Variants in AGAP1 observed in about 807,000 individuals in gnomAD.
The protein encoded by AGAP1 is arf-GAP with GTPase, ANK repeat and PH domain-containing protein 1.
Under a neutral mutation model 105.3 loss-of-function variants are expected in AGAP1, and 29 were observed. The ratio of observed to expected loss-of-function variants is 0.28; its 90% CI spans 0.21 to 0.38. The LOEUF (loss-of-function observed/expected upper bound fraction) is 0.38, where lower values mean the gene tolerates loss of function less well. Ranked by LOEUF, AGAP1 falls within the 10% of genes least tolerant of loss-of-function variation. The pLI is 1.00. For missense variants in AGAP1, 998 were observed against 1,165.1 expected (o/e 0.86, Z 2.09); for synonymous variants, 509 against 485.9 (o/e 1.05, Z -0.63).
chr2:235,632,686 C>G (rs112886295), intron 1 of AGAP1, among the ~76,000 whole-genome samples: 1 of 152,196 alleles, frequency 6.6e-6, no homozygotes, highest in Non-Finnish European at 1.5e-5. Flanking sequence ...CTGGGGACCA[C>G]GGTTCTGTCA....
chr2:235,880,083 C>CTTTTTT (rs35633339), intron 9 of AGAP1, among the ~76,000 whole-genome samples: 1 of 138,890 alleles, frequency 7.2e-6, no homozygotes, highest in Non-Finnish European at 1.6e-5. Context: ...GCACTCTGGC[C>CTTTTTT]TTTTTTTTTT....
At chr2:235,916,388 G>T (rs2051886361) in intron 11 of AGAP1, among the ~76,000 whole-genome samples, 1 of 152,212 alleles carries the variant, frequency 6.6e-6, no homozygotes, top group Non-Finnish European at 1.5e-5. Context: ...TCCAGAGAAG[G>T]AGGTAAAACG....
intron 13 of AGAP1, among the ~76,000 whole-genome samples, chr2:235,972,432 G>A (rs1412465859): frequency 6.6e-6 from 1 of 152,204 alleles, no homozygotes; most frequent in East Asian, 1.9e-4. Flanking sequence ...TCCCCGGCTG[G>A]TTCGCCGAGG....
At position 235,961,541 on chromosome 2, in the gene AGAP1, T is replaced by C. The variant is rs2054186444; in HGVS notation, c.1484-6921T>C. Among the ~76,000 whole-genome samples the C allele has an allele frequency of 6.6e-6, 1 of 151,230 alleles. No individual in the cohort carries two copies. Among genetic ancestry groups the C allele is most frequent in the African/African-American group, 2.4e-5 (1 of 41,010 alleles). ...GTGCAGAGGGACAGGCCCTAGGGAG[T>C]TGTGCTTTAAAGAAGGGCAGGAGTC... On this transcript the variant is annotated intron_variant, in intron 12 of 17. Coordinates refer to ENST00000304032, the MANE Select transcript of AGAP1 (RefSeq NM_001037131.3). The surrounding 1 kb of genome is among the most constrained non-coding windows in gnomAD (Gnocchi z 5.9).
intron 11 of AGAP1, among the ~76,000 whole-genome samples, chr2:235,910,286 G>GGGCAGTCACTGAGCCGGTGCCTTCC (rs2051537777): frequency 1.3e-4 from 1 of 7,686 alleles, no homozygotes; most frequent in Admixed American, 1.4e-3. Flanking sequence ...TGCCTGTGTT[G>GGGCAGTCACTGAGCCGGTGCCTTCC]CAGGGGGGCG....
At chr2:235,521,046 G>A (rs961758853) in intron 1 of AGAP1, among the ~76,000 whole-genome samples, 1 of 152,164 alleles carries the variant, frequency 6.6e-6, no homozygotes, top group African/African-American at 2.4e-5. Context: ...TAGCAGTCAC[G>A]GTTCTCAGGG....
At position 236,047,821 on chromosome 2, in the gene AGAP1, C is replaced by T. The variant is rs148470141; in HGVS notation, c.1892-1238C>T. Among the ~76,000 whole-genome samples the T allele has an allele frequency of 8.6e-3, 1,306 of 151,850 alleles. 31 individuals are homozygous for T. The highest frequency in any genetic ancestry group is 0.07 in the East Asian group (354 of 5,088). ...TTCACCATGTTGGTCATGCTGGTCT[C>T]GAACTCCTGACCTCAGGTGATCCTC... On this transcript the variant is annotated intron_variant, in intron 15 of 17. Transcript: ENST00000304032.
intron 1 of AGAP1, 56 bp from the exon 2 acceptor site, chr2:235,709,123 T>C: frequency 6.3e-7 from 1 of 1,580,526 alleles, no homozygotes; most frequent in South Asian, 1.1e-5. Flanking sequence ...GGAGGCATTT[T>C]GACTTGGCCT....
chr2:236,034,160 A>C (rs2125651652), intron 13 of AGAP1, among the ~76,000 whole-genome samples: 1 of 152,334 alleles, frequency 6.6e-6, no homozygotes, highest in African/African-American at 2.4e-5. Context: ...AAAAGGTTGT[A>C]AATCATAGTA....
At chr2:235,840,369 G>A (rs1575592831) in intron 9 of AGAP1, among the ~76,000 whole-genome samples, 1 of 152,194 alleles carries the variant, frequency 6.6e-6, no homozygotes, top group East Asian at 1.9e-4. Context: ...TTTATGTAGG[G>A]GCAGAGAAGA....
rs1238135878 is a variant in AGAP1 at position 235,611,765 on chromosome 2, C to T, written c.164-97414C>T. Among the ~76,000 whole-genome samples, 4 of 152,194 alleles carry T rather than the reference C, an allele frequency of 2.6e-5. No homozygotes were observed. The highest frequency in any genetic ancestry group is 5.9e-5 in the Non-Finnish European group (4 of 68,040). The stretch of plus-strand genomic sequence containing the variant: ...TGTCTTCATTTCTTTAAAGAGCATT[C>T]ATCAATGATATTAATGATTTTCATT... On this transcript the variant is annotated intron_variant, in intron 1 of 17. Coordinates refer to ENST00000304032, the MANE Select transcript of AGAP1 (RefSeq NM_001037131.3). The surrounding 1 kb of genome is among the most constrained non-coding windows in gnomAD (Gnocchi z 5.0).
At chr2:235,589,496 C>T (rs1178906567) in intron 1 of AGAP1, among the ~76,000 whole-genome samples, 5 of 152,064 alleles carry the variant, frequency 3.3e-5, no homozygotes, top group Admixed American at 1.3e-4. Flanking sequence ...CATGAGCCAC[C>T]GCGCCAGTGC....
At chr2:235,862,135 C>T (rs2048951453) in intron 9 of AGAP1, among the ~76,000 whole-genome samples, 1 of 150,382 alleles carries the variant, frequency 6.6e-6, no homozygotes. Flanking sequence ...CCCTGCTGTC[C>T]TGGGTGTTCA....
chr2:235,755,344 ATTTGT>A (rs71400784), intron 6 of AGAP1, among the ~76,000 whole-genome samples: 34,460 of 151,970 alleles, frequency 0.23, 4,216 homozygotes, highest in East Asian at 0.49. Flanking sequence ...GTCCCTGTTG[ATTTGT>A]TCTCCTAGGG....
At chr2:235,913,608 T>TC (rs1481794571) in intron 11 of AGAP1, among the ~76,000 whole-genome samples, 1 of 152,212 alleles carries the variant, frequency 6.6e-6, no homozygotes, top group Non-Finnish European at 1.5e-5. Context: ...GATGTATGAC[T>TC]CCGTTTGTAT....
At chr2:236,099,668 T>C (rs1289289118) in intron 16 of AGAP1, among the ~76,000 whole-genome samples, 1 of 152,124 alleles carries the variant, frequency 6.6e-6, no homozygotes, top group Non-Finnish European at 1.5e-5. Context: ...TGGTGATATC[T>C]TTGCCACCAA....
chr2:235,643,242 C>A (rs1258159907), intron 1 of AGAP1, among the ~76,000 whole-genome samples: 1 of 151,656 alleles, frequency 6.6e-6, no homozygotes, highest in East Asian at 1.9e-4. Flanking sequence ...ACCAGCCTGG[C>A]CAACATGGTG....
chr2:235,802,637 A>G (rs1209954062), intron 8 of AGAP1, among the ~76,000 whole-genome samples: 10 of 151,890 alleles, frequency 6.6e-5, no homozygotes, highest in Non-Finnish European at 1.0e-4. Context: ...GATGGTGGTG[A>G]TGATGGTTGT....
At position 236,096,552 on chromosome 2, in the gene AGAP1, G is replaced by A. The variant is rs2059197235; in HGVS notation, c.2115-23640G>A. Among the ~76,000 whole-genome samples, 1 of 151,532 alleles carries A rather than the reference G, an allele frequency of 6.6e-6. No individual in the cohort carries two copies. ...ATCAGTTAGATGGAATGCCAGTGCAGACAAATGATGCAGTTTTATTTTTTA... is the reference window on the plus strand; with the variant it reads ...ATCAGTTAGATGGAATGCCAGTGCAAACAAATGATGCAGTTTTATTTTTTA... On this transcript the variant is annotated intron_variant, in intron 16 of 17. Transcript: ENST00000304032. The surrounding 1 kb of genome is among the most constrained non-coding windows in gnomAD (Gnocchi z 4.4).
Sources: allele counts gnomAD v4.1 joint callset (sites outside exome capture counted in the v4.1 genomes callset), GRCh38; gene constraint gnomAD v4.1.1; non-coding constraint Gnocchi (gnomAD v3.1); transcripts MANE v1.5; gene names NCBI Gene and HGNC (gene_info 2026-07-23, HGNC 2026-07-21).